The following NSG1 variants were observed in gnomAD, a reference collection of about 807,000 sequenced individuals.
The protein encoded by NSG1 is neuronal vesicle trafficking-associated protein 1.
Under a neutral mutation model 19.3 loss-of-function variants are expected in NSG1, and 9 were observed. The ratio of observed to expected loss-of-function variants is 0.47; its 90% confidence interval spans 0.28 to 0.81. NSG1 has a LOEUF of 0.81. NSG1 is among the 40% of genes least tolerant of loss of function. The probability of loss-of-function intolerance (pLI) is 0.11; values close to 1 mark genes in which losing one functional copy is unlikely to be tolerated. For synonymous variants in NSG1, 104 were observed against 107.0 expected (o/e 0.97, Z 0.17); for missense variants, 236 against 242.4 (o/e 0.97, Z 0.18).
At chr4:4,391,053 CTCT>C (rs143735097) in intron 2 of NSG1, among the ~76,000 whole-genome samples, 7,287 of 152,246 alleles carry the variant, frequency 0.048, 335 homozygotes, top group African/African-American at 0.12. Context: ...CTCAGACCTC[CTCT>C]TCTTGTGCCC....
intron 3 of NSG1, among the ~76,000 whole-genome samples, chr4:4,403,790 C>T (rs768430200): frequency 2.6e-5 from 4 of 152,186 alleles, no homozygotes; most frequent in African/African-American, 4.8e-5. Flanking sequence ...GTTAGGAGTA[C>T]GCAGACTTTA....
chr4:4,397,566 G>A (rs759198800), intron 3 of NSG1, among the ~76,000 whole-genome samples: 2 of 152,204 alleles, frequency 1.3e-5, no homozygotes, highest in South Asian at 2.1e-4. Flanking sequence ...GGCCGCTCAC[G>A]CTTCCCTGTC....
intron 3 of NSG1, among the ~76,000 whole-genome samples, chr4:4,402,371 A>T (rs1328130534): frequency 0.013 from 684 of 53,738 alleles, 3 homozygotes; most frequent in African/African-American, 0.024. Context: ...ACGCCTGGTT[A>T]TTTTTTTTTT....
At chr4:4,396,212 T>C (rs1723240024) in intron 3 of NSG1, among the ~76,000 whole-genome samples, 1 of 152,196 alleles carries the variant, frequency 6.6e-6, no homozygotes, top group Admixed American at 6.5e-5. Flanking sequence ...GCCTGCAGAG[T>C]GGCGGGTCGG....
chr4:4,409,799 A>C (rs1294354328), intron 4 of NSG1, 116 bp downstream of exon 4: 3 of 794,520 alleles, frequency 3.8e-6, no homozygotes, highest in Non-Finnish European at 4.3e-6. Flanking sequence ...CAGGCCTTAG[A>C]GCAGCAGGGG....
intron 1 of NSG1, 43 bp from the exon 2 acceptor site, chr4:4,387,561 C>CCCGGGGTGGGGGGGG: frequency 8.8e-7 from 1 of 1,141,990 alleles, no homozygotes; most frequent in East Asian, 2.7e-5. Context: ...CGCCCCGCCC[C>CCCGGGGTGGGGGGGG]GGGTCTTGCT....
chr4:4,410,267 T>C (rs1410897971), intron 4 of NSG1, among the ~76,000 whole-genome samples: 3 of 152,124 alleles, frequency 2.0e-5, no homozygotes, highest in Non-Finnish European at 4.4e-5. Flanking sequence ...GCATATATAA[T>C]GCTCATTCCC....
chr4:4,387,752 G>A lies in NSG1; in HGVS notation c.123G>A (p.Pro41=). Residue 41 remains proline, a synonymous_variant, in exon 2 of 5, where the codon CCG becomes CCA. Coordinates refer to ENST00000621129, the MANE Select transcript of NSG1 (RefSeq NM_014392.5). ...LDVNQLQFPP[P]DKVVVKTKTE... ...TCAATCAGCTGCAGTTCCCGCCCCCGGATAAGGTAAGCCCCCCCACGCCCC... is the reference window on the plus strand; with the variant it reads ...TCAATCAGCTGCAGTTCCCGCCCCCAGATAAGGTAAGCCCCCCCACGCCCC... 1 of 1,608,974 alleles carries A rather than the reference G, an allele frequency of 6.2e-7. No homozygotes were observed. The highest frequency in any genetic ancestry group is 2.2e-5 in the East Asian group (1 of 44,686).
chr4:4,418,502 A>G lies in NSG1; in HGVS notation c.*1067A>G, dbSNP rs951530491. The G allele has an allele frequency of 1.3e-5, 2 of 152,650 alleles. No homozygotes were observed. Among genetic ancestry groups the G allele is most frequent in the African/African-American group, 4.8e-5 (2 of 41,456 alleles). The allele number at this position is 152,650 out of a possible 1,614,324, so 9.5% of individuals were successfully genotyped here. ...TTCAACTCACAATCTTTGTAAGAAA[A>G]TTGTTCCAGTTTGAATCTTGATATT... On this transcript the variant is annotated 3_prime_UTR_variant, in exon 5 of 5. Transcript: ENST00000621129.
intron 4 of NSG1, among the ~76,000 whole-genome samples, chr4:4,413,353 A>T (rs1344959508): frequency 6.6e-6 from 1 of 150,940 alleles, no homozygotes; most frequent in Non-Finnish European, 1.5e-5. Context: ...GTCTTGGGGG[A>T]GTGTGCCCAG....
chr4:4,416,251 C>T, intron 4 of NSG1: 1 of 701,078 alleles, frequency 1.4e-6, no homozygotes, highest in Non-Finnish European at 2.6e-6. Flanking sequence ...TGTAGCGCCG[C>T]CCTCCTGCCA....
intron 4 of NSG1, among the ~76,000 whole-genome samples, chr4:4,415,127 C>T (rs965250058): frequency 2.6e-5 from 4 of 151,932 alleles, no homozygotes; most frequent in Non-Finnish European, 4.4e-5. Flanking sequence ...AGGCTGGTCT[C>T]GAACTCTTGG....
intron 3 of NSG1, among the ~76,000 whole-genome samples, chr4:4,403,144 T>C (rs913888858): frequency 2.0e-5 from 3 of 152,250 alleles, no homozygotes; most frequent in Non-Finnish European, 4.4e-5. Context: ...ATCTTCTCTG[T>C]GCCAGATGTG....
At chr4:4,409,315 A>G (rs62287954) in intron 3 of NSG1, among the ~76,000 whole-genome samples, 6,322 of 152,364 alleles carry the variant, frequency 0.041, 146 homozygotes, top group African/African-American at 0.073. Context: ...TGAGCTCTCT[A>G]TGCAGGACCT....
intron 2 of NSG1, among the ~76,000 whole-genome samples, chr4:4,388,626 T>A (rs1722855078): frequency 6.6e-6 from 1 of 152,182 alleles, no homozygotes; most frequent in Non-Finnish European, 1.5e-5. Context: ...CAGCCACGAA[T>A]AATTCCCGGA....
In NSG1 at chr4:4,387,543, T is replaced by C. The variant is rs1328505185; in HGVS notation, c.-26-61T>C. The C allele has an allele frequency of 1.1e-5, 9 of 818,188 alleles. No homozygotes were observed. In the African/African-American group the frequency reaches 1.3e-4, roughly 11 times the overall value. The allele number at this position is 818,188 out of a possible 1,614,324, so 50.7% of individuals were successfully genotyped here. A position where few individuals can be genotyped will look rare whatever the true frequency, so the allele number is the denominator to read the frequency against. On this transcript the variant is annotated intron_variant, in intron 1 of 4. Transcript: ENST00000621129. Reference sequence around the variant, plus strand: ...GACGCCGGTGGGTGTGGGTGCCCACTTCCCCCCCGCCCCGCCCCGGGTCTT... The same window carrying C: ...GACGCCGGTGGGTGTGGGTGCCCACCTCCCCCCCGCCCCGCCCCGGGTCTT...
intron 3 of NSG1, among the ~76,000 whole-genome samples, chr4:4,405,367 C>T (rs1350959696): frequency 6.6e-6 from 1 of 152,208 alleles, no homozygotes; most frequent in African/African-American, 2.4e-5. Context: ...ATCAGGTCCC[C>T]TTCACAGATC....
At chr4:4,415,580 A>G (rs1724482251) in intron 4 of NSG1, among the ~76,000 whole-genome samples, 1 of 151,896 alleles carries the variant, frequency 6.6e-6, no homozygotes, top group African/African-American at 2.4e-5. Context: ...ATGGGCACCA[A>G]GGTGCCTCCC....
At chr4:4,387,305 G>A (rs545342767) in intron 1 of NSG1, 132 bp downstream of exon 1, 72 of 290,734 alleles carry the variant, frequency 2.5e-4, no homozygotes, top group African/African-American at 1.5e-3. Flanking sequence ...GGGTGCGGCG[G>A]CCCCAGGACC....
Sources: gnomAD v4.1 joint callset for allele counts (sites outside exome capture counted in the v4.1 genomes callset) on GRCh38, gnomAD v4.1.1 for gene constraint, MANE v1.5 for transcripts, NCBI Gene and HGNC (gene_info 2026-07-23, HGNC 2026-07-21) for gene names.